Variants in PCDH15 observed in about 807,000 individuals in gnomAD.
The protein encoded by PCDH15 is protocadherin related 15.
PCDH15 carries 129 observed loss-of-function variants against 178.5 expected under a neutral mutation model. That is an observed-to-expected ratio of 0.72 (90% CI 0.63 to 0.84). The LOEUF (loss-of-function observed/expected upper bound fraction) is 0.84, where lower values mean the gene tolerates loss of function less well. Ranked by LOEUF, PCDH15 falls within the 40% of genes least tolerant of loss-of-function variation. The probability of loss-of-function intolerance (pLI) is 0.00; values close to 1 mark genes in which losing one functional copy is unlikely to be tolerated. For synonymous variants in PCDH15, 800 were observed against 732.0 expected, an observed-to-expected ratio of 1.09 and a Z score of -1.50; for missense variants, 2,230 against 2,099.9, an observed-to-expected ratio of 1.06 and a Z score of -1.21.
At chr10:55,556,373 GC>G (rs1353073882) in intron 2 of PCDH15, among the ~76,000 whole-genome samples, 1 of 152,072 alleles carries the variant, frequency 6.6e-6, no homozygotes, top group Non-Finnish European at 1.5e-5. Flanking sequence ...GCATATCTTT[GC>G]CTCTACCATA....
intron 11 of PCDH15, among the ~76,000 whole-genome samples, chr10:54,188,245 T>C (rs887204594): frequency 2.6e-5 from 4 of 151,882 alleles, no homozygotes; most frequent in Admixed American, 2.0e-4. Context: ...TATTTGAATT[T>C]TGCAATTCCT....
intron 1 of PCDH15, among the ~76,000 whole-genome samples, chr10:55,261,531 C>T (rs1010402560): frequency 6.6e-6 from 1 of 152,064 alleles, no homozygotes; most frequent in African/African-American, 2.4e-5. Flanking sequence ...TATTGCATCT[C>T]CAGAAAGCCA....
chr10:55,242,006 T>C (rs1384503980), intron 1 of PCDH15, among the ~76,000 whole-genome samples: 3 of 152,194 alleles, frequency 2.0e-5, no homozygotes, highest in African/African-American at 7.2e-5. Context: ...CATTGGTTTA[T>C]TGAGAACACA....
chr10:54,198,777 A>G lies in PCDH15; in HGVS notation c.1099-2888T>C, dbSNP rs1030464514. ...CGGCCTCCCAAAGTGCTGGGATTAC[A>G]GGCGTGAGCCAATAACCAGCATGTC... On this transcript the variant is annotated intron_variant, in intron 10 of 37. Coordinates refer to ENST00000644397, the MANE Select transcript of PCDH15 (RefSeq NM_001384140.1). Among the ~76,000 whole-genome samples the G allele has an allele frequency of 2.1e-4, 20 of 95,330 alleles. 3 individuals are homozygous for G. Among genetic ancestry groups the G allele is most frequent in the African/African-American group, 1.8e-3 (20 of 11,318 alleles). 62.5% of individuals were successfully genotyped at this position (95,330 alleles called of 152,430 possible). A position where few individuals can be genotyped will look rare whatever the true frequency, so the allele number is the denominator to read the frequency against.
intron 2 of PCDH15, among the ~76,000 whole-genome samples, chr10:54,647,010 T>A (rs2094143895): frequency 6.6e-6 from 1 of 151,968 alleles, no homozygotes. Context: ...ATAACTGAAA[T>A]CAGGATCTTA....
chr10:54,133,840 A>C (rs1254179473), intron 14 of PCDH15, among the ~76,000 whole-genome samples: 2 of 143,658 alleles, frequency 1.4e-5, no homozygotes, highest in East Asian at 4.9e-4. Context: ...ATCGTGAAAA[A>C]ACATATATAT....
chr10:55,149,468 T>G (rs1838635581), intron 2 of PCDH15, among the ~76,000 whole-genome samples: 1 of 152,062 alleles, frequency 6.6e-6, no homozygotes, highest in African/African-American at 2.4e-5. Flanking sequence ...AAAATCGTTT[T>G]ATGCATATTT....
chr10:55,125,828 CT>C (rs145782755), intron 2 of PCDH15, among the ~76,000 whole-genome samples: 11,260 of 152,110 alleles, frequency 0.074, 589 homozygotes, highest in East Asian at 0.26. Flanking sequence ...ATAATCCTTG[CT>C]TTCTGCAGCA....
At chr10:54,590,928 C>T (rs2091846421) in intron 2 of PCDH15, among the ~76,000 whole-genome samples, 1 of 151,188 alleles carries the variant, frequency 6.6e-6, no homozygotes, top group Non-Finnish European at 1.5e-5. Context: ...GGTCTAAAAA[C>T]CCAGAAATAA....
intron 3 of PCDH15, among the ~76,000 whole-genome samples, chr10:54,807,332 A>G (rs574278984): frequency 9.7e-4 from 147 of 152,312 alleles, no homozygotes; most frequent in African/African-American, 3.4e-3. Flanking sequence ...CCATCAAACT[A>G]CAAGCACTTT....
chr10:54,949,831 G>C (rs1670838), intron 2 of PCDH15, among the ~76,000 whole-genome samples: 1 of 151,700 alleles, frequency 6.6e-6, no homozygotes, highest in African/African-American at 2.4e-5. Flanking sequence ...TAAAGCATAG[G>C]AAAAGTCCCC....
chr10:54,588,545 G>T (rs994667313), intron 2 of PCDH15, among the ~76,000 whole-genome samples: 1 of 152,116 alleles, frequency 6.6e-6, no homozygotes, highest in Non-Finnish European at 1.5e-5. Context: ...AGTTATGTCT[G>T]TAAGAATCAG....
chr10:54,385,306 AAT>A (rs1350126099), intron 3 of PCDH15, among the ~76,000 whole-genome samples: 2 of 152,146 alleles, frequency 1.3e-5, no homozygotes, highest in African/African-American at 4.8e-5. Context: ...AAAATTATTT[AAT>A]ATGTTATTGA....
intron 1 of PCDH15, among the ~76,000 whole-genome samples, chr10:55,240,343 C>T (rs987317313): frequency 2.0e-5 from 3 of 152,134 alleles, no homozygotes; most frequent in African/African-American, 4.8e-5. Context: ...CATCACCCTA[C>T]TTTTATCTAC....
intron 8 of PCDH15, among the ~76,000 whole-genome samples, chr10:54,277,968 C>A (rs1188789556): frequency 6.6e-6 from 1 of 151,430 alleles, no homozygotes; most frequent in Non-Finnish European, 1.5e-5. Context: ...CTTATTAGCA[C>A]CCAACTAGAG....
intron 21 of PCDH15, among the ~76,000 whole-genome samples, chr10:53,974,524 T>C (rs1373379591): frequency 1.3e-5 from 2 of 152,166 alleles, no homozygotes; most frequent in African/African-American, 4.8e-5. Context: ...TGCTCATATG[T>C]TTTATTTCTA....
chr10:54,103,524 C>T (rs1039451947), intron 15 of PCDH15, among the ~76,000 whole-genome samples: 1 of 152,086 alleles, frequency 6.6e-6, no homozygotes, highest in Admixed American at 6.5e-5. Flanking sequence ...GCAGGTGCTG[C>T]CCTCATAAAT....
intron 2 of PCDH15, among the ~76,000 whole-genome samples, chr10:55,547,623 T>A (rs774445445): frequency 6.6e-6 from 1 of 152,110 alleles, no homozygotes; most frequent in African/African-American, 2.4e-5. Context: ...GCCACAAATA[T>A]GGATCTCTTC....
At chr10:55,623,817 A>T (rs1159437982) in intron 2 of PCDH15, among the ~76,000 whole-genome samples, 1 of 151,602 alleles carries the variant, frequency 6.6e-6, no homozygotes, top group Non-Finnish European at 1.5e-5. Context: ...TGAAGAAAAA[A>T]AGTGTCAGAA....
Sources: gnomAD v4.1 joint callset for allele counts (sites outside exome capture counted in the v4.1 genomes callset) on GRCh38, gnomAD v4.1.1 for gene constraint, MANE v1.5 for transcripts, NCBI Gene and HGNC (gene_info 2026-07-23, HGNC 2026-07-21) for gene names.